The following NXPE4 variants were observed in gnomAD, a reference collection of about 807,000 sequenced individuals.
NXPE4 encodes NXPE family member 4.
A neutral mutation model predicts 33.3 loss-of-function variants in NXPE4; 42 were observed. That is an observed-to-expected ratio of 1.26 (90% CI 0.98 to 1.63). The LOEUF (loss-of-function observed/expected upper bound fraction) is 1.63. NXPE4 is among the 40% of genes most tolerant of loss of function. The pLI, the probability that NXPE4 is intolerant of heterozygous loss-of-function variation, is 0.00. For synonymous variants in NXPE4, 253 were observed against 234.9 expected (o/e 1.08, Z -0.71); for missense variants, 709 against 647.6 (o/e 1.09, Z -1.03).
At chr11:114,662,166 C>T in the NXPE4 span, among the ~76,000 whole-genome samples, 1 of 152,182 alleles carries the variant, frequency 6.6e-6, no homozygotes, top group African/African-American at 2.4e-5. Context: ...GAATTGCCAA[C>T]ACAACCCCAC....
the NXPE4 span, among the ~76,000 whole-genome samples, chr11:114,632,207 A>C: frequency 1.4e-5 from 2 of 141,314 alleles, no homozygotes; most frequent in Admixed American, 7.6e-5. Flanking sequence ...TATACATATT[A>C]TATATGTATA....
At chr11:114,636,562 C>G in the NXPE4 span, among the ~76,000 whole-genome samples, 1 of 151,462 alleles carries the variant, frequency 6.6e-6, no homozygotes, top group Non-Finnish European at 1.5e-5. Flanking sequence ...GTTAGGGTGT[C>G]AATTTTGGAT....
At chr11:114,640,572 C>T in the NXPE4 span, among the ~76,000 whole-genome samples, 2 of 151,834 alleles carry the variant, frequency 1.3e-5, no homozygotes, top group Admixed American at 1.3e-4. Flanking sequence ...CACTCCCACC[C>T]ACAATGCATA....
At chr11:114,637,447 C>A in the NXPE4 span, among the ~76,000 whole-genome samples, 3 of 151,932 alleles carry the variant, frequency 2.0e-5, no homozygotes, top group African/African-American at 7.2e-5. Flanking sequence ...TTAATTGGAG[C>A]ATTTAGTCCA....
At chr11:114,648,886 C>A in the NXPE4 span, among the ~76,000 whole-genome samples, 1 of 151,932 alleles carries the variant, frequency 6.6e-6, no homozygotes, top group Non-Finnish European at 1.5e-5. Context: ...GTGAACAGTA[C>A]TTAAATACTA....
chr11:114,606,814 C>T, the NXPE4 span, among the ~76,000 whole-genome samples: 2 of 151,974 alleles, frequency 1.3e-5, no homozygotes, highest in Admixed American at 6.6e-5. Context: ...AGGGTAACCA[C>T]TGTTACCCAG....
the NXPE4 span, among the ~76,000 whole-genome samples, chr11:114,601,634 TA>T: frequency 2.2e-4 from 18 of 81,688 alleles, no homozygotes; most frequent in African/African-American, 6.6e-4. Context: ...ATATTATTTA[TA>T]ATTATATATA....
chr11:114,654,052 A>G, the NXPE4 span, among the ~76,000 whole-genome samples: 2 of 152,190 alleles, frequency 1.3e-5, no homozygotes, highest in Non-Finnish European at 2.9e-5. Context: ...TATGTTTGGT[A>G]ATGACAATGA....
In NXPE4 at chr11:114,582,877, G is replaced by C; in HGVS notation, c.241C>G (p.Gln81Glu). The C allele has an allele frequency of 6.2e-7, 1 of 1,614,170 alleles. No homozygotes were observed. Among genetic ancestry groups the C allele is most frequent in the Non-Finnish European group, 8.5e-7 (1 of 1,180,020 alleles). The change falls in exon 3 of 6, where the codon CAG (glutamine) becomes GAG (glutamate). Residue 81 changes from glutamine (Q) to glutamate (E), a missense_variant. Physicochemically the swap from Gln to Glu is conservative, Grantham distance 29 (BLOSUM62 2). Transcript: ENST00000375478. ...GTGAAAGGTCTGGGTGGGATCTGCT[G>C]ATCTAGTTTCTCTATGATTTCCTTT... Reference protein sequence around the residue: ...RIKEIIEKLDQQIPPRPFTHV... With the variant: ...RIKEIIEKLDEQIPPRPFTHV...
chr11:114,606,373 T>C, the NXPE4 span, among the ~76,000 whole-genome samples: 4 of 139,528 alleles, frequency 2.9e-5, no homozygotes, highest in Admixed American at 2.8e-4. Context: ...AGTGGATACT[T>C]AGTGTTGCCT....
chr11:114,611,763 G>T, the NXPE4 span, among the ~76,000 whole-genome samples: 8 of 151,790 alleles, frequency 5.3e-5, no homozygotes, highest in Non-Finnish European at 1.0e-4. Flanking sequence ...ATTGCCTCAT[G>T]GGTAACCACT....
At chr11:114,621,546 T>A in the NXPE4 span, among the ~76,000 whole-genome samples, 1 of 152,236 alleles carries the variant, frequency 6.6e-6, no homozygotes, top group Non-Finnish European at 1.5e-5. Flanking sequence ...CAGTGGATAA[T>A]AAGTATTACC....
At chr11:114,603,152 T>G in the NXPE4 span, among the ~76,000 whole-genome samples, 10 of 151,982 alleles carry the variant, frequency 6.6e-5, no homozygotes, top group Admixed American at 1.3e-4. Context: ...TTGCCTTGTC[T>G]CCTAGGTAAC....
chr11:114,625,937 C>A, the NXPE4 span, among the ~76,000 whole-genome samples: 1 of 152,314 alleles, frequency 6.6e-6, no homozygotes, highest in Admixed American at 6.5e-5. Context: ...AAAATCAGGT[C>A]ACTCCCACCC....
At chr11:114,628,451 A>G in the NXPE4 span, among the ~76,000 whole-genome samples, 2 of 152,308 alleles carry the variant, frequency 1.3e-5, no homozygotes, top group East Asian at 1.9e-4. Context: ...AAGCAGAAAT[A>G]AAGATGTTCT....
chr11:114,647,636 G>A, the NXPE4 span, among the ~76,000 whole-genome samples: 1 of 151,848 alleles, frequency 6.6e-6, no homozygotes, highest in Non-Finnish European at 1.5e-5. Flanking sequence ...GATTATATAT[G>A]GTTATTTATT....
chr11:114,612,704 T>G, the NXPE4 span, among the ~76,000 whole-genome samples: 239 of 149,666 alleles, frequency 1.6e-3, 1 homozygote, highest in African/African-American at 4.3e-3. Context: ...TGTTGCCCTG[T>G]GTATAATGTG....
intron 5 of NXPE4, among the ~76,000 whole-genome samples, chr11:114,577,101 TTA>T (rs1159243811): frequency 3.7e-5 from 5 of 135,040 alleles, no homozygotes; most frequent in African/African-American, 1.4e-4. Flanking sequence ...ATATATAAAG[TTA>T]TATATATACA....
At chr11:114,576,348 G>A (rs1304214557) in intron 5 of NXPE4, among the ~76,000 whole-genome samples, 1 of 129,930 alleles carries the variant, frequency 7.7e-6, no homozygotes, top group Non-Finnish European at 1.7e-5. Context: ...AACATAAATG[G>A]ATGGGACTTA....
Sources: allele counts gnomAD v4.1 joint callset (sites outside exome capture counted in the v4.1 genomes callset), GRCh38; gene constraint gnomAD v4.1.1; transcripts MANE v1.5; gene names NCBI Gene and HGNC (gene_info 2026-07-23, HGNC 2026-07-21).